CNOT10: variants seen among roughly 807,000 people sequenced by gnomAD.
CNOT10 encodes the protein CCR4-NOT transcription complex subunit 10.
Under a neutral mutation model 94.6 loss-of-function variants are expected in CNOT10, and 30 were observed. That is an observed-to-expected ratio of 0.32 (90% CI 0.24 to 0.43). The LOEUF (loss-of-function observed/expected upper bound fraction) is 0.43, where lower values mean the gene tolerates loss of function less well. CNOT10 is among the 20% of genes least tolerant of loss of function. The pLI is 1.00. For synonymous variants in CNOT10, 289 were observed against 301.6 expected (o/e 0.96, Z 0.43); for missense variants, 759 against 877.2 (o/e 0.87, Z 1.70).
chr3:32,728,193 A>G (rs1698771532), intron 10 of CNOT10, among the ~76,000 whole-genome samples: 1 of 151,720 alleles, frequency 6.6e-6, no homozygotes, highest in Non-Finnish European at 1.5e-5. Context: ...ACGAGGTTTC[A>G]CCATGTTGCC....
chr3:32,715,292 C>T (rs1227487041), intron 5 of CNOT10, among the ~76,000 whole-genome samples: 1 of 152,026 alleles, frequency 6.6e-6, no homozygotes, highest in African/African-American at 2.4e-5. Context: ...TTGTTTTGGG[C>T]CTTGGAAGAT....
intron 17 of CNOT10, among the ~76,000 whole-genome samples, chr3:32,767,502 A>G (rs951312614): frequency 1.5e-5 from 2 of 134,942 alleles, no homozygotes; most frequent in Non-Finnish European, 3.1e-5. Flanking sequence ...CTGGGCAACA[A>G]GAGCGAAACT....
chr3:32,717,606 C>T (rs1254230242), intron 7 of CNOT10, among the ~76,000 whole-genome samples: 1 of 152,092 alleles, frequency 6.6e-6, no homozygotes, highest in Admixed American at 6.6e-5. Context: ...GGTGACTCAC[C>T]TGTAATCCCA....
intron 1 of CNOT10, chr3:32,695,888 A>G: frequency 7.6e-7 from 1 of 1,317,226 alleles, no homozygotes; most frequent in Non-Finnish European, 1.0e-6. Context: ...ACTGATTACA[A>G]AAATGAATAC....
At chr3:32,741,968 T>TTTTTA (rs1283255850) in intron 13 of CNOT10, among the ~76,000 whole-genome samples, 6 of 151,824 alleles carry the variant, frequency 4.0e-5, no homozygotes, top group Admixed American at 2.0e-4. Context: ...TTTATTTTAT[T>TTTTTA]TTTTATTTTA....
chr3:32,748,214 T>C (rs1699794176), intron 13 of CNOT10, among the ~76,000 whole-genome samples: 1 of 152,230 alleles, frequency 6.6e-6, no homozygotes, highest in Admixed American at 6.5e-5. Flanking sequence ...AAGACAAGTG[T>C]GTTCGAATGT....
At chr3:32,764,856 A>C in intron 17 of CNOT10, 47 bp downstream of exon 17, 1 of 1,595,826 alleles carries the variant, frequency 6.3e-7, no homozygotes, top group South Asian at 1.1e-5. Flanking sequence ...CAGCCAACAC[A>C]AGTTTGAGGT....
chr3:32,722,093 A>C (rs1698445283), intron 8 of CNOT10, among the ~76,000 whole-genome samples: 1 of 152,216 alleles, frequency 6.6e-6, no homozygotes, highest in Admixed American at 6.5e-5. Flanking sequence ...AAAATCACTT[A>C]TTCGAGAAAT....
At chr3:32,687,429 A>G (rs1342790645) in intron 1 of CNOT10, among the ~76,000 whole-genome samples, 1 of 76,346 alleles carries the variant, frequency 1.3e-5, no homozygotes, top group Non-Finnish European at 3.0e-5. Flanking sequence ...TCTCCTTTTA[A>G]GTCCTCACGG....
intron 13 of CNOT10, among the ~76,000 whole-genome samples, chr3:32,751,238 C>T (rs1288720766): frequency 6.6e-6 from 1 of 152,074 alleles, no homozygotes; most frequent in Non-Finnish European, 1.5e-5. Context: ...GTAGCTGGGA[C>T]TACAGATGTG....
chr3:32,749,497 C>T (rs1699865499), intron 13 of CNOT10, among the ~76,000 whole-genome samples: 1 of 151,334 alleles, frequency 6.6e-6, no homozygotes, highest in African/African-American at 2.4e-5. Context: ...TCAACCTCCA[C>T]CTCTTGGGTT....
At chr3:32,723,002 A>G (rs1354319466) in intron 8 of CNOT10, among the ~76,000 whole-genome samples, 9 of 152,320 alleles carry the variant, frequency 5.9e-5, no homozygotes, top group African/African-American at 2.2e-4. Context: ...TTAAGTGCTA[A>G]ACAATAAATA....
intron 11 of CNOT10, 66 bp downstream of exon 11, chr3:32,733,610 A>G (rs1261698268): frequency 4.5e-6 from 5 of 1,107,114 alleles, no homozygotes; most frequent in Middle Eastern, 3.1e-4. Flanking sequence ...TTACTTATAT[A>G]TAAAAGTATG....
rs1697660535 is a variant in CNOT10, at chr3:32,707,183, G to A, written c.280-1487G>A. Among the ~76,000 whole-genome samples the A allele has an allele frequency of 2.0e-5, 3 of 152,100 alleles. No individual in the cohort carries two copies. In the South Asian group the frequency reaches 6.2e-4, roughly 32 times the overall value. Reference sequence around the variant, plus strand: ...CCAGTTTCATGTGTTACATGGAATTGTGCAATGGTTGTAAAGCTTGATTAA... The same window carrying A: ...CCAGTTTCATGTGTTACATGGAATTATGCAATGGTTGTAAAGCTTGATTAA... On this transcript the variant is annotated intron_variant, in intron 3 of 18. Coordinates refer to ENST00000328834, the MANE Select transcript of CNOT10 (RefSeq NM_015442.3).
chr3:32,752,962 T>C, intron 13 of CNOT10: 1 of 449,556 alleles, frequency 2.2e-6, no homozygotes, highest in South Asian at 1.8e-5. Context: ...TTCCAGAGCT[T>C]CTTGGATACT....
chr3:32,744,322 C>T (rs575054339), intron 13 of CNOT10, among the ~76,000 whole-genome samples: 29 of 152,198 alleles, frequency 1.9e-4, no homozygotes, highest in African/African-American at 5.1e-4. Flanking sequence ...ATATTTGACC[C>T]CTTGTGTTCA....
chr3:32,736,236 G>T (rs1699183377), intron 12 of CNOT10, among the ~76,000 whole-genome samples: 1 of 151,896 alleles, frequency 6.6e-6, no homozygotes, highest in Non-Finnish European at 1.5e-5. Context: ...TAGGCCCAGC[G>T]CCACTATGCC....
At position 32,721,425 on chromosome 3, in the gene CNOT10, T is replaced by A. The variant is rs180724964; in HGVS notation, c.862+1194T>A. Among the ~76,000 whole-genome samples, 214 of 118,612 alleles carry A rather than the reference T, an allele frequency of 1.8e-3. 1 individual carries two copies. The highest frequency in any genetic ancestry group is 6.2e-3 in the African/African-American group (208 of 33,478). The allele number at this position is 118,612 out of a possible 152,430, so 77.8% of individuals were successfully genotyped here. A position where few individuals can be genotyped will look rare whatever the true frequency, so the allele number is the denominator to read the frequency against. On this transcript the variant is annotated intron_variant, in intron 8 of 18. Transcript: ENST00000328834. ...TGTGAAGTGAGACCTAATTTTTCTT[T>A]CATCTTTTTTTTTTTTTTTTTTTTT...
chr3:32,744,597 A>G (rs1431778565), intron 13 of CNOT10, among the ~76,000 whole-genome samples: 1 of 152,232 alleles, frequency 6.6e-6, no homozygotes, highest in Admixed American at 6.6e-5. Flanking sequence ...TAGTTTTCAG[A>G]AAAATATTCT....
Sources: gnomAD v4.1 joint callset for allele counts (sites outside exome capture counted in the v4.1 genomes callset) on GRCh38, gnomAD v4.1.1 for gene constraint, MANE v1.5 for transcripts, NCBI Gene and HGNC (gene_info 2026-07-23, HGNC 2026-07-21) for gene names.